The following RNASET2 variants were observed in gnomAD, a reference collection of about 807,000 sequenced individuals.
RNASET2 encodes the protein ribonuclease 6.
RNASET2 carries 28 observed loss-of-function variants against 33.9 expected under a neutral mutation model. The ratio of observed to expected loss-of-function variants is 0.83; its 90% confidence interval spans 0.61 to 1.13. The LOEUF is 1.13. RNASET2 is among the 50% of genes most tolerant of loss of function. RNASET2 has a pLI of 0.00. For synonymous variants in RNASET2, 123 were observed against 121.0 expected (o/e 1.02, Z -0.11); for missense variants, 330 against 319.9 (o/e 1.03, Z -0.24).
chr6:166,936,682 A>G (rs1778577758), intron 6 of RNASET2, among the ~76,000 whole-genome samples: 1 of 152,174 alleles, frequency 6.6e-6, no homozygotes, highest in African/African-American at 2.4e-5. Flanking sequence ...TAACCTACTC[A>G]TGAGGGATCC....
rs1415634018 is a variant in RNASET2, at chr6:166,943,277, G to A, written c.262-188C>T. 1.2e-5 allele frequency: 6 copies of A among 521,184 alleles called. No homozygotes were observed. The East Asian group carries it at 1.9e-4, about 16-fold the overall frequency. The allele number at this position is 521,184 out of a possible 1,614,324, so 32.3% of individuals were successfully genotyped here. On this transcript the variant is annotated intron_variant, in intron 4 of 8. Coordinates refer to ENST00000508775, the MANE Select transcript of RNASET2 (RefSeq NM_003730.6). ...TAAGATATATCTACAAGTGCAATTTGAGTAATCATAAAACTGCACACGAAA... is the reference window on the plus strand; with the variant it reads ...TAAGATATATCTACAAGTGCAATTTAAGTAATCATAAAACTGCACACGAAA...
At position 166,928,468 on chromosome 6, in the gene RNASET2, G is replaced by A. The variant is rs148750407; in HGVS notation, c.*1120C>T. ...TGTTTTTTTTTTTTTTGTAAATTATGCTGACAATATGGTTATTCTAAGGAT... is the reference window on the plus strand; with the variant it reads ...TGTTTTTTTTTTTTTTGTAAATTATACTGACAATATGGTTATTCTAAGGAT... On this transcript the variant is annotated 3_prime_UTR_variant, in exon 9 of 9. Coordinates refer to ENST00000508775, the MANE Select transcript of RNASET2 (RefSeq NM_003730.6). Among the ~76,000 whole-genome samples, 12 of 129,562 alleles carry A rather than the reference G, an allele frequency of 9.3e-5. No individual in the cohort carries two copies. The Middle Eastern group carries it at 0.013, about 143-fold the overall frequency. The allele number at this position is 129,562 out of a possible 152,430, so 85.0% of individuals were successfully genotyped here.
rs572008171 is a variant in RNASET2, at chr6:166,929,427, C to T, written c.*161G>A. 7.5e-4 allele frequency: 571 copies of T among 763,548 alleles called. No individual in the cohort carries two copies. Among genetic ancestry groups the T allele is most frequent in the Middle Eastern group, 4.6e-3 (12 of 2,602 alleles). 47.3% of individuals were successfully genotyped at this position (763,548 alleles called of 1,614,324 possible). A position where few individuals can be genotyped will look rare whatever the true frequency, so the allele number is the denominator to read the frequency against. The stretch of plus-strand genomic sequence containing the variant: ...GGGAGAGCTCCTTTCTCCCCGTGTA[C>T]GCCACATGCACTCACTCTACAGGGA... On this transcript the variant is annotated 3_prime_UTR_variant, in exon 9 of 9. Coordinates refer to ENST00000508775, the MANE Select transcript of RNASET2 (RefSeq NM_003730.6).
Position 166,956,188 on chromosome 6 carries a change from C to G in RNASET2, c.-6G>C, listed in dbSNP as rs1486116361. On this transcript the variant is annotated 5_prime_UTR_variant, in exon 1 of 9. Transcript: ENST00000508775. ...CGCAGGGCTGCAGGGCGCATGGTGCCGACCTGCGGAGAGAACGCTGCCAGC... is the reference window on the plus strand; with the variant it reads ...CGCAGGGCTGCAGGGCGCATGGTGCGGACCTGCGGAGAGAACGCTGCCAGC... 63 of 1,548,608 alleles carry G rather than the reference C, an allele frequency of 4.1e-5. No individual in the cohort carries two copies. The highest frequency in any genetic ancestry group is 5.2e-5 in the Non-Finnish European group (60 of 1,146,118).
intron 3 of RNASET2, chr6:166,946,962 G>A (rs567926184): frequency 1.4e-4 from 85 of 597,400 alleles, no homozygotes; most frequent in Non-Finnish European, 2.1e-4. Flanking sequence ...GTGTTAAACC[G>A]TCCAGGAGTA....
At chr6:166,949,500 CAAAAAAAAAAAA>C (rs61621125) in intron 2 of RNASET2, among the ~76,000 whole-genome samples, 1 of 44,398 alleles carries the variant, frequency 2.3e-5, no homozygotes, top group Non-Finnish European at 4.3e-5. Flanking sequence ...GACTCCATCT[CAAAAAAAAAAAA>C]AAAAAAAAAA....
intron 1 of RNASET2, chr6:166,955,527 C>T (rs764483288): frequency 1.0e-6 from 1 of 986,762 alleles, no homozygotes; most frequent in Non-Finnish European, 1.2e-6. Flanking sequence ...AATTAAGTGT[C>T]CCCTCCACGA....
rs957131597 is a variant in RNASET2 at position 166,944,928 on chromosome 6, A to G, written c.261+1754T>C. On this transcript the variant is annotated intron_variant, in intron 4 of 8. Coordinates refer to ENST00000508775, the MANE Select transcript of RNASET2 (RefSeq NM_003730.6). Reference sequence around the variant, plus strand: ...CCACATCCGTCAGCCCTGCCCCCTCACCCACCCACGTCCACACCTGTCAGC... The same window carrying G: ...CCACATCCGTCAGCCCTGCCCCCTCGCCCACCCACGTCCACACCTGTCAGC... Among the ~76,000 whole-genome samples, 67 of 62,578 alleles carry G rather than the reference A, an allele frequency of 1.1e-3. 3 individuals carry two copies. The highest frequency in any genetic ancestry group is 3.5e-4 in the Admixed American group (2 of 5,648). The allele number at this position is 62,578 out of a possible 152,430, so 41.1% of individuals were successfully genotyped here.
chr6:166,955,185 A>ACG (rs1554269951), intron 1 of RNASET2, among the ~76,000 whole-genome samples: 4 of 113,406 alleles, frequency 3.5e-5, no homozygotes, highest in Admixed American at 8.3e-5. Flanking sequence ...CCACACACAC[A>ACG]CACGCACACA....
intron 2 of RNASET2, among the ~76,000 whole-genome samples, chr6:166,949,419 T>C (rs1288775323): frequency 1.0e-4 from 14 of 140,684 alleles, no homozygotes; most frequent in Non-Finnish European, 3.0e-5. Context: ...GAGAATAGCT[T>C]GAACCCGGGA....
rs58837223 is a variant in RNASET2, at chr6:166,927,713, CAAAAAAAAAA to C, written c.*1865_*1874del. Among the ~76,000 whole-genome samples, 2 of 47,342 alleles carry C rather than the reference CAAAAAAAAAA, an allele frequency of 4.2e-5. No individual in the cohort carries two copies. Among genetic ancestry groups the C allele is most frequent in the South Asian group, 8.8e-4 (1 of 1,132 alleles). 31.1% of individuals were successfully genotyped at this position (47,342 alleles called of 152,430 possible). ...TGATCCCTGTGTTCGCAAAATGACT[CAAAAAAAAAA>C]AAAAAAAAAAAAAGAATTGACATCA... On this transcript the variant is annotated 3_prime_UTR_variant, in exon 9 of 9. Transcript: ENST00000508775.
At position 166,936,198 on chromosome 6, in the gene RNASET2, T is replaced by C. The variant is rs557462768; in HGVS notation, c.447-2062A>G. Among the ~76,000 whole-genome samples the C allele has an allele frequency of 6.2e-4, 94 of 152,368 alleles. No homozygotes were observed. In the South Asian group the frequency reaches 7.9e-3, roughly 13 times the overall value. On this transcript the variant is annotated intron_variant, in intron 6 of 8. Transcript: ENST00000508775. ...TAGCAAACATACTCTCAGTAGTGCTTTGCCCTGGCAGGCCCTCAGTGAACA... is the reference window on the plus strand; with the variant it reads ...TAGCAAACATACTCTCAGTAGTGCTCTGCCCTGGCAGGCCCTCAGTGAACA...
rs1199604988 is a variant in RNASET2 at position 166,955,397 on chromosome 6, G to GCACACACA, written c.86+692_86+699dup. 1.2e-5 allele frequency: 6 copies of GCACACACA among 519,248 alleles called. No individual in the cohort carries two copies. In the African/African-American group the frequency reaches 1.9e-4, roughly 17 times the overall value. 32.2% of individuals were successfully genotyped at this position (519,248 alleles called of 1,614,324 possible). ...AACGCACACGCACACACACACACGC[G>GCACACACA]CACACACACACGCGCACACACACAC... On this transcript the variant is annotated intron_variant, in intron 1 of 8. Coordinates refer to ENST00000508775, the MANE Select transcript of RNASET2 (RefSeq NM_003730.6).
chr6:166,927,082 C>T lies in RNASET2; in HGVS notation c.*2506G>A, dbSNP rs374680608. Among the ~76,000 whole-genome samples the T allele has an allele frequency of 4.1e-4, 63 of 152,340 alleles. No individual in the cohort carries two copies. Among genetic ancestry groups the T allele is most frequent in the African/African-American group, 1.3e-3 (55 of 41,568 alleles). On this transcript the variant is annotated 3_prime_UTR_variant, in exon 9 of 9. Coordinates refer to ENST00000508775, the MANE Select transcript of RNASET2 (RefSeq NM_003730.6). ...CTCAGTCACCTCCGCCCAGTTACAG[C>T]GAGAACCGTGTGGTCAGAGTTGCAT... is the stretch of plus-strand genomic sequence containing the variant.
At chr6:166,954,182 G>T (rs1779052130) in intron 1 of RNASET2, among the ~76,000 whole-genome samples, 1 of 151,864 alleles carries the variant, frequency 6.6e-6, no homozygotes, top group Non-Finnish European at 1.5e-5. Flanking sequence ...AGTCAAAGAA[G>T]AAAGAAAAAT....
At chr6:166,929,997 G>A (rs770809293) in intron 8 of RNASET2, among the ~76,000 whole-genome samples, 1 of 152,246 alleles carries the variant, frequency 6.6e-6, no homozygotes, top group African/African-American at 2.4e-5. Context: ...TGACTCGCCT[G>A]TGGGCAGTGG....
rs1026158367 is a variant in RNASET2 at position 166,929,422 on chromosome 6, G to T, written c.*166C>A. 3 of 744,116 alleles carry T rather than the reference G, an allele frequency of 4.0e-6. No homozygotes were observed. The African/African-American group carries it at 5.2e-5, about 13-fold the overall frequency. 46.1% of individuals were successfully genotyped at this position (744,116 alleles called of 1,614,324 possible). On this transcript the variant is annotated 3_prime_UTR_variant, in exon 9 of 9. Transcript: ENST00000508775. ...GGCGTGGGAGAGCTCCTTTCTCCCC[G>T]TGTACGCCACATGCACTCACTCTAC...
At chr6:166,941,070 C>T (rs1201481094) in intron 5 of RNASET2, among the ~76,000 whole-genome samples, 1 of 152,166 alleles carries the variant, frequency 6.6e-6, no homozygotes, top group Non-Finnish European at 1.5e-5. Context: ...GTGACACAGC[C>T]CAGACAGGAG....
At position 166,954,754 on chromosome 6, in the gene RNASET2, C is replaced by T. The variant is rs544347929; in HGVS notation, c.86+1343G>A. 2.0e-5 allele frequency among the ~76,000 whole-genome samples: 3 copies of T among 152,350 alleles called. No individual in the cohort carries two copies. In the East Asian group the frequency reaches 5.8e-4, roughly 29 times the overall value. On this transcript the variant is annotated intron_variant, in intron 1 of 8. Coordinates refer to ENST00000508775, the MANE Select transcript of RNASET2 (RefSeq NM_003730.6). ...CCTGGCCGGGTGCAGTGGCTCACGCCTGTAATCCCAGCACTTTGGGAGGCC... is the reference window on the plus strand; with the variant it reads ...CCTGGCCGGGTGCAGTGGCTCACGCTTGTAATCCCAGCACTTTGGGAGGCC...
Sources: gnomAD v4.1 joint callset for allele counts (sites outside exome capture counted in the v4.1 genomes callset) on GRCh38, gnomAD v4.1.1 for gene constraint, MANE v1.5 for transcripts, NCBI Gene and HGNC (gene_info 2026-07-23, HGNC 2026-07-21) for gene names.